Variants in SLC12A6 observed in about 807,000 individuals in gnomAD.
SLC12A6 encodes K-Cl cotransporter 3.
Under a neutral mutation model 135.3 loss-of-function variants are expected in SLC12A6, and 66 were observed. The observed-to-expected ratio is 0.49, with a 90% CI of 0.40 to 0.60. SLC12A6 has a LOEUF of 0.60. SLC12A6 is among the 20% of genes least tolerant of loss of function. The pLI is 0.00. For missense variants in SLC12A6, 1,058 were observed against 1,452.3 expected, an observed-to-expected ratio of 0.73 and a Z score of 4.41; for synonymous variants, 513 against 508.8, an observed-to-expected ratio of 1.01 and a Z score of -0.11.
At chr15:34,303,276 C>G (rs939175013) in intron 2 of SLC12A6, among the ~76,000 whole-genome samples, 9 of 152,132 alleles carry the variant, frequency 5.9e-5, no homozygotes, top group African/African-American at 2.2e-4. Flanking sequence ...CTGAACATAA[C>G]ATTTCCTAAA....
chr15:34,318,552 C>T lies in SLC12A6; in HGVS notation c.271+17858G>A, dbSNP rs201906721. 4 of 1,609,756 alleles carry T rather than the reference C, an allele frequency of 2.5e-6. No homozygotes were observed. In the South Asian group the frequency reaches 3.3e-5, roughly 13 times the overall value. ...ATAGGTTCCAAAAGCTCCCAAGTTG[C>T]GTACTCACCTGGTTCATCTGAATCC... On this transcript the variant is annotated intron_variant, in intron 2 of 25. Transcript: ENST00000354181.
Position 34,229,892 on chromosome 15 carries a change from A to T in SLC12A6, c.*3989T>A. 9.3e-7 allele frequency: 1 copy of T among 1,070,910 alleles called. No homozygotes were observed. The highest frequency in any genetic ancestry group is 1.3e-5 in the South Asian group (1 of 77,814). 66.3% of individuals were successfully genotyped at this position (1,070,910 alleles called of 1,614,324 possible). On this transcript the variant is annotated 3_prime_UTR_variant, in exon 26 of 26. Transcript: ENST00000354181. ...TACTCTTAAACTAATCACTTATGTT[A>T]AAAAGAACCAAAAGACTCTTTTCTC...
chr15:34,245,205 CTGTTA>C, intron 15 of SLC12A6, 75 bp downstream of exon 15: 1 of 844,594 alleles, frequency 1.2e-6, no homozygotes, highest in Non-Finnish European at 2.1e-6. Context: ...GTTATCACTA[CTGTTA>C]TATGACTGAT....
intron 2 of SLC12A6, among the ~76,000 whole-genome samples, chr15:34,316,478 C>T (rs1284613953): frequency 2.0e-5 from 3 of 152,144 alleles, no homozygotes; most frequent in Non-Finnish European, 2.9e-5. Context: ...ATAATAAAGG[C>T]AAGTGCAATT....
intron 2 of SLC12A6, among the ~76,000 whole-genome samples, chr15:34,329,335 G>A (rs1279830029): frequency 6.6e-6 from 1 of 152,196 alleles, no homozygotes; most frequent in Admixed American, 6.5e-5. Flanking sequence ...GGCAAAAGAA[G>A]CAGCAGCCAT....
intron 2 of SLC12A6, among the ~76,000 whole-genome samples, chr15:34,278,402 G>C (rs556701074): frequency 7.9e-5 from 12 of 151,640 alleles, no homozygotes; most frequent in African/African-American, 2.9e-4. Context: ...CTCCAGCCTG[G>C]GCAAAAAGAG....
In SLC12A6 at chr15:34,245,717, C is replaced by A. The variant is rs780498175; in HGVS notation, c.1800G>T (p.Lys600Asn). 2.5e-6 allele frequency: 4 copies of A among 1,613,876 alleles called. No homozygotes were observed. The highest frequency in any genetic ancestry group is 3.4e-6 in the Non-Finnish European group (4 of 1,179,824). ...CCCTCAGAAACGGTATGATGTTATC[C>A]TTGGCAATAGCTTGTAGCAGCCTCG... ...GAPRLLQAIA[K>N]DNIIPFLRVF... The change falls in exon 14 of 26, where the codon AAG (lysine) becomes AAT (asparagine). Residue 600 changes from lysine (K) to asparagine (N), a missense_variant. Transcript: ENST00000354181.
In SLC12A6 at chr15:34,269,002, G is replaced by A. The variant is rs141062540; in HGVS notation, c.316+6343C>T. On this transcript the variant is annotated intron_variant, in intron 3 of 25. Coordinates refer to ENST00000354181, the MANE Select transcript of SLC12A6 (RefSeq NM_001365088.1). ...CTCCCGAGTAGCTGGAATTATAGGC[G>A]CCTGCCACCATGCCTGGCTAATTTT... is the stretch of plus-strand genomic sequence containing the variant. 6.1e-3 allele frequency among the ~76,000 whole-genome samples: 922 copies of A among 151,928 alleles called. 6 individuals are homozygous for A. Among genetic ancestry groups the A allele is most frequent in the African/African-American group, 0.021 (871 of 41,410 alleles).
intron 2 of SLC12A6, among the ~76,000 whole-genome samples, chr15:34,293,973 T>C (rs761331934): frequency 5.9e-5 from 9 of 152,206 alleles, no homozygotes; most frequent in Non-Finnish European, 1.3e-4. Flanking sequence ...GCTCACACAT[T>C]AATATTTCAA....
intron 2 of SLC12A6, among the ~76,000 whole-genome samples, chr15:34,332,250 CT>C (rs930434803): frequency 1.8e-4 from 28 of 152,184 alleles, no homozygotes; most frequent in African/African-American, 6.8e-4. Context: ...TTTTCTCTGT[CT>C]TTAACACCCA....
chr15:34,332,926 T>A (rs78272457), intron 2 of SLC12A6, among the ~76,000 whole-genome samples: 4,291 of 152,316 alleles, frequency 0.028, 207 homozygotes, highest in African/African-American at 0.098. Context: ...GAGCACTAGA[T>A]AAAAGTCAGG....
In SLC12A6 at chr15:34,336,669, T is replaced by C. The variant is rs2141213727; in HGVS notation, c.12A>G (p.Pro4=). ...CTGAAGCCATCTTGGTGGTGGTTTC[T>C]GGAGGATGCATTTTGTTCTTTTTAA... MHP[P]ETTTKMASVR... Residue 4 remains proline (P), a synonymous_variant, in exon 2 of 26, where the codon CCA becomes CCG. Coordinates refer to ENST00000354181, the MANE Select transcript of SLC12A6 (RefSeq NM_001365088.1). 9 of 1,614,124 alleles carry C rather than the reference T, an allele frequency of 5.6e-6. No homozygotes were observed. Among genetic ancestry groups the C allele is most frequent in the Non-Finnish European group, 7.6e-6 (9 of 1,179,958 alleles).
intron 2 of SLC12A6, among the ~76,000 whole-genome samples, chr15:34,331,437 A>G (rs920395049): frequency 2.6e-5 from 4 of 152,240 alleles, no homozygotes; most frequent in Non-Finnish European, 4.4e-5. Context: ...CACCGCGCCC[A>G]GCCTAGAGGC....
chr15:34,245,334 GCT>G lies in SLC12A6; in HGVS notation c.1892_1893del (p.Glu631AlafsTer87). 1 of 1,613,422 alleles carries G rather than the reference GCT, an allele frequency of 6.2e-7. No individual in the cohort carries two copies. The highest frequency in any genetic ancestry group is 8.5e-7 in the Non-Finnish European group (1 of 1,179,314). On this transcript the variant is annotated frameshift_variant, in exon 15 of 26. Transcript: ENST00000354181. LOFTEE classifies it high-confidence loss of function. ...WALLLTAAIA[E>X]LGILIASLDL... Reference sequence around the variant, plus strand: ...TCCAGGGAGGCAATGAGTATTCCAAGCTCTGCAATGGCAGCAGTTAGAAGTAA... The same window carrying G: ...TCCAGGGAGGCAATGAGTATTCCAAGCTGCAATGGCAGCAGTTAGAAGTAA...
chr15:34,329,900 G>C (rs1231149457), intron 2 of SLC12A6, among the ~76,000 whole-genome samples: 1 of 152,106 alleles, frequency 6.6e-6, no homozygotes, highest in Non-Finnish European at 1.5e-5. Context: ...TGCTAATCTT[G>C]TTTTGTCTAT....
intron 2 of SLC12A6, among the ~76,000 whole-genome samples, chr15:34,285,502 A>G (rs990034216): frequency 6.6e-5 from 10 of 150,784 alleles, no homozygotes; most frequent in Non-Finnish European, 1.2e-4. Context: ...CACAGTGCTT[A>G]TGATGGTTTT....
intron 2 of SLC12A6, among the ~76,000 whole-genome samples, chr15:34,309,995 A>G (rs1211248995): frequency 2.0e-5 from 3 of 149,826 alleles, no homozygotes; most frequent in African/African-American, 7.5e-5. Context: ...AGTGAATAAA[A>G]AGAGATAATC....
chr15:34,306,599 A>G (rs1170507546), intron 2 of SLC12A6, among the ~76,000 whole-genome samples: 2 of 152,208 alleles, frequency 1.3e-5, no homozygotes, highest in Non-Finnish European at 2.9e-5. Flanking sequence ...ATTGACAGAT[A>G]CAGGCTGGAA....
At chr15:34,286,176 C>A (rs954529430) in intron 2 of SLC12A6, among the ~76,000 whole-genome samples, 1 of 151,906 alleles carries the variant, frequency 6.6e-6, no homozygotes, top group Non-Finnish European at 1.5e-5. Context: ...CGGGTTCAAG[C>A]AATTCTCCTG....
Sources: allele counts gnomAD v4.1 joint callset (sites outside exome capture counted in the v4.1 genomes callset), GRCh38; gene constraint gnomAD v4.1.1; transcripts MANE v1.5; gene names NCBI Gene and HGNC (gene_info 2026-07-23, HGNC 2026-07-21).